GULP1: variants seen among roughly 807,000 people sequenced by gnomAD.
GULP1 encodes GULP PTB domain containing engulfment adaptor 1, also known as PTB domain-containing engulfment adapter protein 1.
In GULP1, 19 loss-of-function variants were observed where a neutral mutation model predicts 40.9. The observed-to-expected ratio is 0.46, with a 90% CI of 0.32 to 0.68. GULP1 has a LOEUF of 0.68. GULP1 is among the 30% of genes least tolerant of loss of function. The pLI, the probability that GULP1 is intolerant of heterozygous loss-of-function variation, is 0.03. For missense variants in GULP1, 312 were observed against 362.2 expected, an observed-to-expected ratio of 0.86 and a Z score of 1.12; for synonymous variants, 119 against 117.6, an observed-to-expected ratio of 1.01 and a Z score of -0.08.
chr2:188,570,634 T>C (rs1351976429), intron 9 of GULP1, among the ~76,000 whole-genome samples: 1 of 152,202 alleles, frequency 6.6e-6, no homozygotes, highest in African/African-American at 2.4e-5. Context: ...GTCTTTGTAG[T>C]TAAAATATTT....
intron 1 of GULP1, among the ~76,000 whole-genome samples, chr2:188,327,114 T>TA (rs1401682715): frequency 6.6e-6 from 1 of 152,152 alleles, no homozygotes. Context: ...AGATTCTAGA[T>TA]AAAGCACAAG....
At chr2:188,481,897 A>G (rs1424311022) in intron 3 of GULP1, among the ~76,000 whole-genome samples, 1 of 152,018 alleles carries the variant, frequency 6.6e-6, no homozygotes, top group African/African-American at 2.4e-5. Flanking sequence ...AAGCAAGACT[A>G]TATTCCAAAT....
At chr2:188,584,166 GA>G in intron 9 of GULP1, 98 bp from the exon 10 acceptor site, 1 of 810,542 alleles carries the variant, frequency 1.2e-6, no homozygotes, top group Non-Finnish European at 1.9e-6. Context: ...TGATGCAACT[GA>G]AATTGTTGTT....
At chr2:188,432,789 T>A (rs1007632828) in intron 2 of GULP1, among the ~76,000 whole-genome samples, 1 of 152,190 alleles carries the variant, frequency 6.6e-6, no homozygotes, top group African/African-American at 2.4e-5. Context: ...TTGGCTTATT[T>A]ATGTAATTTT....
At chr2:188,356,067 C>T (rs573883778) in intron 1 of GULP1, among the ~76,000 whole-genome samples, 1 of 152,158 alleles carries the variant, frequency 6.6e-6, no homozygotes, top group Non-Finnish European at 1.5e-5. Context: ...GACAAACTCA[C>T]AATCATATAT....
chr2:188,546,069 T>C (rs1443614953), intron 7 of GULP1, among the ~76,000 whole-genome samples: 2 of 151,772 alleles, frequency 1.3e-5, no homozygotes, highest in African/African-American at 4.8e-5. Context: ...AAAATAGAGC[T>C]GCAAAATGAG....
intron 2 of GULP1, among the ~76,000 whole-genome samples, chr2:188,468,215 C>T (rs2060287883): frequency 6.6e-6 from 1 of 151,986 alleles, no homozygotes; most frequent in African/African-American, 2.4e-5. Context: ...ACAGTGTTTT[C>T]TTTGATGAAA....
intron 4 of GULP1, among the ~76,000 whole-genome samples, chr2:188,509,489 C>CA (rs781605850): frequency 4.6e-5 from 7 of 152,130 alleles, no homozygotes; most frequent in East Asian, 3.9e-4. Context: ...ATCATTAGCC[C>CA]ACACTCATTT....
intron 2 of GULP1, among the ~76,000 whole-genome samples, chr2:188,402,096 G>A (rs4274570): frequency 0.28 from 42,898 of 151,872 alleles, 7,508 homozygotes; most frequent in African/African-American, 0.5. Context: ...CCATTAACAC[G>A]TAATGGATGA....
intron 1 of GULP1, among the ~76,000 whole-genome samples, chr2:188,322,306 T>C (rs1044463546): frequency 1.3e-5 from 2 of 152,104 alleles, no homozygotes; most frequent in Non-Finnish European, 2.9e-5. Context: ...TAGAGCTTTT[T>C]TTTTTAGGGG....
chr2:188,454,569 C>T (rs1352138784), intron 2 of GULP1, among the ~76,000 whole-genome samples: 1 of 152,280 alleles, frequency 6.6e-6, no homozygotes, highest in East Asian at 1.9e-4. Flanking sequence ...ACCAGGGAAC[C>T]ACCTCTATCT....
Position 188,441,723 on chromosome 2 carries a change from C to T in GULP1, c.-44-35936C>T, listed in dbSNP as rs190858964. 2.0e-4 allele frequency among the ~76,000 whole-genome samples: 31 copies of T among 152,192 alleles called. No homozygotes were observed. In the East Asian group the frequency reaches 6.0e-3, roughly 29 times the overall value. On this transcript the variant is annotated intron_variant, in intron 2 of 11. Coordinates refer to ENST00000409830, the MANE Select transcript of GULP1 (RefSeq NM_016315.4). ...TTTTCAGTCTACCTTGAGCCCAGGC[C>T]CAGGGAGGTCCACCACTGAGCCTCC...
At chr2:188,343,745 G>T (rs1313519448) in intron 1 of GULP1, among the ~76,000 whole-genome samples, 1 of 152,132 alleles carries the variant, frequency 6.6e-6, no homozygotes, top group Non-Finnish European at 1.5e-5. Context: ...CACCTATACT[G>T]TGATCTAAGT....
intron 7 of GULP1, among the ~76,000 whole-genome samples, chr2:188,556,235 A>G (rs1423661392): frequency 6.6e-6 from 1 of 151,916 alleles, no homozygotes; most frequent in East Asian, 1.9e-4. Flanking sequence ...CTTTTCTACT[A>G]TTTTTATCTT....
intron 1 of GULP1, among the ~76,000 whole-genome samples, chr2:188,342,352 C>T (rs1387176746): frequency 6.6e-6 from 1 of 152,076 alleles, no homozygotes; most frequent in Non-Finnish European, 1.5e-5. Flanking sequence ...TTTGTCTATA[C>T]CTTCACATGG....
At chr2:188,470,077 A>G (rs973341386) in intron 2 of GULP1, among the ~76,000 whole-genome samples, 7 of 151,992 alleles carry the variant, frequency 4.6e-5, no homozygotes, top group Admixed American at 1.3e-4. Context: ...GCCTCATAGA[A>G]TGAGTTTGGA....
chr2:188,408,651 C>T (rs1015338799), intron 2 of GULP1, among the ~76,000 whole-genome samples: 15 of 152,144 alleles, frequency 9.9e-5, no homozygotes, highest in Non-Finnish European at 2.1e-4. Flanking sequence ...ACTTGAACTT[C>T]TGTTTAGACC....
At position 188,529,327 on chromosome 2, in the gene GULP1, G is replaced by A. The variant is rs560233105; in HGVS notation, c.261+132G>A. 11 of 502,608 alleles carry A rather than the reference G, an allele frequency of 2.2e-5. 1 individual carries two copies. In the Admixed American group the frequency reaches 4.1e-4, roughly 19 times the overall value. The allele number at this position is 502,608 out of a possible 1,614,324, so 31.1% of individuals were successfully genotyped here. On this transcript the variant is annotated intron_variant, in intron 6 of 11. Transcript: ENST00000409830. Reference sequence around the variant, plus strand: ...GAGTTAATGACAGTTCGAAACTCTAGGAGTTTTAGAAGTGAAAACAACTTT... The same window carrying A: ...GAGTTAATGACAGTTCGAAACTCTAAGAGTTTTAGAAGTGAAAACAACTTT...
chr2:188,534,088 C>T (rs952828470), intron 6 of GULP1, among the ~76,000 whole-genome samples: 10 of 152,114 alleles, frequency 6.6e-5, no homozygotes, highest in Non-Finnish European at 2.9e-5. Context: ...CAAATAACTT[C>T]AAACAGTTAC....
Sources: allele counts gnomAD v4.1 joint callset (sites outside exome capture counted in the v4.1 genomes callset), GRCh38; gene constraint gnomAD v4.1.1; transcripts MANE v1.5; gene names NCBI Gene and HGNC (gene_info 2026-07-23, HGNC 2026-07-21).